NRG1: variants seen among roughly 807,000 people sequenced by gnomAD.
NRG1 encodes the protein pro-neuregulin-1, membrane-bound isoform.
In NRG1, 18 loss-of-function variants were observed where a neutral mutation model predicts 63.8. The ratio of observed to expected loss-of-function variants is 0.28; its 90% CI spans 0.19 to 0.42. The LOEUF is 0.42. NRG1 is among the 10% of genes least tolerant of loss of function. NRG1 has a pLI of 1.00. For synonymous variants in NRG1, 302 were observed against 301.3 expected (o/e 1.00, Z -0.02); for missense variants, 762 against 814.7 (o/e 0.94, Z 0.79).
chr8:31,769,567 A>G (rs577720758), intron 1 of NRG1, among the ~76,000 whole-genome samples: 2 of 152,360 alleles, frequency 1.3e-5, no homozygotes, highest in East Asian at 3.9e-4. Flanking sequence ...AAGACAAGGC[A>G]GAAAATATGC....
intron 1 of NRG1, among the ~76,000 whole-genome samples, chr8:32,434,793 A>T (rs1043907993): frequency 6.6e-6 from 1 of 152,204 alleles, no homozygotes; most frequent in African/African-American, 2.4e-5. Context: ...GAAGAGAGAA[A>T]ATATTTGAAA....
intron 1 of NRG1, among the ~76,000 whole-genome samples, chr8:31,867,852 G>A (rs1458780542): frequency 6.6e-6 from 1 of 152,066 alleles, no homozygotes; most frequent in African/African-American, 2.4e-5. Flanking sequence ...GGGAATCTGT[G>A]TATGTATTTT....
chr8:32,671,845 T>C (rs1805718980), intron 5 of NRG1, among the ~76,000 whole-genome samples: 1 of 152,166 alleles, frequency 6.6e-6, no homozygotes, highest in African/African-American at 2.4e-5. Context: ...CATAAACATA[T>C]TTATGTGATT....
At chr8:32,096,796 G>A (rs902468310) in intron 1 of NRG1, among the ~76,000 whole-genome samples, 1 of 152,124 alleles carries the variant, frequency 6.6e-6, no homozygotes, top group Non-Finnish European at 1.5e-5. Context: ...TATTTATGAA[G>A]GTTTCACATC....
intron 5 of NRG1, among the ~76,000 whole-genome samples, chr8:32,688,231 A>G (rs1810690518): frequency 6.6e-6 from 1 of 152,326 alleles, no homozygotes; most frequent in African/African-American, 2.4e-5. Context: ...CGAAACATGC[A>G]GCTCTTAGAT....
intron 1 of NRG1, among the ~76,000 whole-genome samples, chr8:31,742,771 T>G (rs541513318): frequency 1.6e-4 from 24 of 152,090 alleles, no homozygotes; most frequent in African/African-American, 5.8e-4. Flanking sequence ...TCTGCTATTT[T>G]CAACATGTGG....
intron 1 of NRG1, among the ~76,000 whole-genome samples, chr8:31,987,634 A>G (rs1810317416): frequency 6.6e-6 from 1 of 151,850 alleles, no homozygotes; most frequent in Non-Finnish European, 1.5e-5. Flanking sequence ...AAAGCTACCT[A>G]TCCGGTACTA....
chr8:32,070,672 A>G (rs1280263651), intron 1 of NRG1, among the ~76,000 whole-genome samples: 2 of 152,080 alleles, frequency 1.3e-5, no homozygotes, highest in East Asian at 1.9e-4. Flanking sequence ...CATCTGTATC[A>G]CCCTAGTCCA....
chr8:31,818,478 G>T (rs1421001347), intron 1 of NRG1, among the ~76,000 whole-genome samples: 1 of 152,154 alleles, frequency 6.6e-6, no homozygotes, highest in Non-Finnish European at 1.5e-5. Flanking sequence ...ATGGAGTGGG[G>T]TTGGGGAAAG....
intron 5 of NRG1, among the ~76,000 whole-genome samples, chr8:32,631,791 A>AAAGG (rs1424971434): frequency 6.6e-6 from 1 of 152,196 alleles, no homozygotes; most frequent in South Asian, 2.1e-4. Flanking sequence ...AGGTTAATCT[A>AAAGG]GGACGCTTTG....
intron 1 of NRG1, among the ~76,000 whole-genome samples, chr8:32,158,758 G>C (rs1352894272): frequency 6.6e-6 from 1 of 152,018 alleles, no homozygotes; most frequent in African/African-American, 2.4e-5. Flanking sequence ...TGACTTAATA[G>C]ATTTGGGAAG....
At chr8:32,328,276 A>T (rs1238350066) in intron 1 of NRG1, among the ~76,000 whole-genome samples, 1 of 152,152 alleles carries the variant, frequency 6.6e-6, no homozygotes, top group African/African-American at 2.4e-5. Flanking sequence ...CAAGGCAATT[A>T]TTTTGATCAG....
chr8:31,693,491 A>G lies in NRG1; in HGVS notation c.37+54060A>G, dbSNP rs150354851. ...CTCGTTTTACAGTTATTTCTCTAAA[A>G]TGCAGTAAAAAAAAAAAAGAATGCC... On this transcript the variant is annotated intron_variant, in intron 1 of 10. Coordinates refer to the NRG1 transcript ENST00000519301. 4.6e-4 allele frequency among the ~76,000 whole-genome samples: 63 copies of G among 137,800 alleles called. No individual in the cohort carries two copies. In the East Asian group the frequency reaches 0.011, roughly 25 times the overall value. 90.4% of individuals were successfully genotyped at this position (137,800 alleles called of 152,430 possible).
intron 1 of NRG1, among the ~76,000 whole-genome samples, chr8:32,222,315 T>C (rs1225963236): frequency 6.6e-6 from 1 of 152,226 alleles, no homozygotes; most frequent in Non-Finnish European, 1.5e-5. Flanking sequence ...ACTTACTCTC[T>C]TGGCTTTTTA....
intron 1 of NRG1, among the ~76,000 whole-genome samples, chr8:32,320,716 G>A (rs1306745438): frequency 1.3e-5 from 2 of 152,136 alleles, no homozygotes; most frequent in Non-Finnish European, 2.9e-5. Flanking sequence ...TGAGATTTGG[G>A]TGGGGACACA....
chr8:32,480,451 G>C (rs760640397), intron 1 of NRG1, among the ~76,000 whole-genome samples: 1 of 148,502 alleles, frequency 6.7e-6, no homozygotes, highest in African/African-American at 2.5e-5. Context: ...AAAAAAAAAG[G>C]TTTCAAATGT....
chr8:32,269,722 C>T (rs138248628), intron 1 of NRG1, among the ~76,000 whole-genome samples: 1,526 of 152,172 alleles, frequency 0.01, 25 homozygotes, highest in African/African-American at 0.035. Context: ...CATAGTCTGA[C>T]AAGACAATGG....
chr8:32,040,738 G>C (rs1297565846), intron 1 of NRG1, among the ~76,000 whole-genome samples: 1 of 9,724 alleles, frequency 1.0e-4, no homozygotes, highest in Non-Finnish European at 6.6e-4. Flanking sequence ...ATATATATAT[G>C]AAATTTAGGC....
chr8:31,847,678 C>T (rs1826820029), intron 1 of NRG1, among the ~76,000 whole-genome samples: 1 of 152,216 alleles, frequency 6.6e-6, no homozygotes, highest in South Asian at 2.1e-4. Flanking sequence ...ATGTTACCAG[C>T]TGCAAAAATC....
Sources: gnomAD v4.1 joint callset for allele counts (sites outside exome capture counted in the v4.1 genomes callset) on GRCh38, gnomAD v4.1.1 for gene constraint, MANE v1.5 for transcripts, NCBI Gene and HGNC (gene_info 2026-07-23, HGNC 2026-07-21) for gene names.